The following TMEFF2 variants were observed in gnomAD, a reference collection of about 807,000 sequenced individuals.
TMEFF2 encodes the protein tomoregulin-2.
In TMEFF2, 28 loss-of-function variants were observed where a neutral mutation model predicts 53.8. That is an observed-to-expected ratio of 0.52 (90% CI 0.39 to 0.71). TMEFF2 has a LOEUF of 0.71. TMEFF2 is among the 30% of genes least tolerant of loss of function. TMEFF2 has a pLI of 0.00. For missense variants in TMEFF2, 353 were observed against 455.2 expected (o/e 0.78, Z 2.04); for synonymous variants, 162 against 166.3 (o/e 0.97, Z 0.20).
At chr2:191,996,804 G>T (rs1477835047) in intron 7 of TMEFF2, among the ~76,000 whole-genome samples, 3 of 151,666 alleles carry the variant, frequency 2.0e-5, no homozygotes, top group Non-Finnish European at 4.4e-5. Context: ...AAATTTTCAG[G>T]ATTTGCTTCC....
intron 7 of TMEFF2, among the ~76,000 whole-genome samples, chr2:191,992,914 A>T (rs1686141997): frequency 6.6e-6 from 1 of 152,088 alleles, no homozygotes; most frequent in South Asian, 2.1e-4. Context: ...TAGGGTGCAG[A>T]GTCAGTCCCA....
At chr2:192,032,825 C>A (rs539642516) in intron 5 of TMEFF2, among the ~76,000 whole-genome samples, 1 of 152,106 alleles carries the variant, frequency 6.6e-6, no homozygotes, top group Non-Finnish European at 1.5e-5. Flanking sequence ...CTCACAGGGT[C>A]CTTTTGAGTA....
At chr2:192,111,493 A>C (rs934733251) in intron 4 of TMEFF2, among the ~76,000 whole-genome samples, 3 of 152,194 alleles carry the variant, frequency 2.0e-5, no homozygotes, top group Non-Finnish European at 4.4e-5. Flanking sequence ...CTAAGCAGCA[A>C]AACATTTAAG....
In TMEFF2 at chr2:191,949,201, T is replaced by G; in HGVS notation, c.*1110A>C. On this transcript the variant is annotated 3_prime_UTR_variant, in exon 10 of 10. Transcript: ENST00000272771. ...GATCAAGTTGTGATACCTATTTGTA[T>G]GCACAAATCAAACAAAAATCCATAC... 1.0e-6 allele frequency: 1 copy of G among 985,430 alleles called. No individual in the cohort carries two copies. 61.0% of individuals were successfully genotyped at this position (985,430 alleles called of 1,614,324 possible).
At chr2:192,011,604 A>G (rs1686627561) in intron 5 of TMEFF2, among the ~76,000 whole-genome samples, 1 of 152,328 alleles carries the variant, frequency 6.6e-6, no homozygotes, top group Non-Finnish European at 1.5e-5. Context: ...GGAATATAAT[A>G]TGTTTTTTTA....
chr2:191,950,116 AC>A lies in TMEFF2; in HGVS notation c.*194del. 7.5e-7 allele frequency: 1 copy of A among 1,326,776 alleles called. No individual in the cohort carries two copies. Among genetic ancestry groups the A allele is most frequent in the Non-Finnish European group, 9.6e-7 (1 of 1,037,716 alleles). The allele number at this position is 1,326,776 out of a possible 1,614,324, so 82.2% of individuals were successfully genotyped here. A position where few individuals can be genotyped will look rare whatever the true frequency, so the allele number is the denominator to read the frequency against. ...ATAGTTTATTTACATTACAGAAAAA[AC>A]ATCAAGACAATGTATACTATTTCAA... On this transcript the variant is annotated 3_prime_UTR_variant, in exon 10 of 10. Coordinates refer to ENST00000272771, the MANE Select transcript of TMEFF2 (RefSeq NM_016192.4).
At chr2:192,104,648 A>C (rs1689105028) in intron 4 of TMEFF2, among the ~76,000 whole-genome samples, 1 of 152,048 alleles carries the variant, frequency 6.6e-6, no homozygotes, top group African/African-American at 2.4e-5. Flanking sequence ...AGATAACATA[A>C]ATTATTCAAC....
intron 4 of TMEFF2, among the ~76,000 whole-genome samples, chr2:192,079,959 T>C (rs563103934): frequency 3.3e-5 from 5 of 152,306 alleles, no homozygotes; most frequent in African/African-American, 1.2e-4. Flanking sequence ...ACTGGTCTTT[T>C]CTATAACCAA....
At chr2:192,161,492 A>T (rs1432008627) in intron 4 of TMEFF2, among the ~76,000 whole-genome samples, 2 of 152,190 alleles carry the variant, frequency 1.3e-5, no homozygotes, top group Non-Finnish European at 2.9e-5. Flanking sequence ...GTATGACATA[A>T]GTGAATCCAT....
At chr2:192,013,224 T>G (rs1410801710) in intron 5 of TMEFF2, among the ~76,000 whole-genome samples, 1 of 152,196 alleles carries the variant, frequency 6.6e-6, no homozygotes, top group Non-Finnish European at 1.5e-5. Context: ...ATTTTATTTC[T>G]GATCAATCTT....
intron 7 of TMEFF2, among the ~76,000 whole-genome samples, chr2:191,968,711 C>T (rs921678527): frequency 6.6e-6 from 1 of 152,166 alleles, no homozygotes; most frequent in South Asian, 2.1e-4. Flanking sequence ...GGCTAACTTA[C>T]ACTGTGAGAT....
chr2:192,173,228 C>T (rs1051239669), intron 4 of TMEFF2, among the ~76,000 whole-genome samples: 1 of 151,762 alleles, frequency 6.6e-6, no homozygotes, highest in Non-Finnish European at 1.5e-5. Flanking sequence ...ACATTGCATG[C>T]TTATATCTAA....
intron 4 of TMEFF2, among the ~76,000 whole-genome samples, chr2:192,172,256 C>T (rs1041366887): frequency 1.3e-5 from 2 of 151,664 alleles, no homozygotes; most frequent in African/African-American, 2.4e-5. Flanking sequence ...CCCAATCTTA[C>T]TTTCTTCCCT....
intron 7 of TMEFF2, among the ~76,000 whole-genome samples, chr2:191,987,799 A>C (rs1686015028): frequency 6.6e-6 from 1 of 152,228 alleles, no homozygotes; most frequent in South Asian, 2.1e-4. Context: ...TGAAATTAAA[A>C]ATATGATTAT....
chr2:192,048,029 A>G (rs930543372), intron 5 of TMEFF2, among the ~76,000 whole-genome samples: 5 of 152,232 alleles, frequency 3.3e-5, no homozygotes, highest in Non-Finnish European at 5.9e-5. Context: ...GACAGTGGAA[A>G]TGTTTTCAGT....
intron 4 of TMEFF2, among the ~76,000 whole-genome samples, chr2:192,067,756 TTAAC>T (rs1688200869): frequency 6.6e-6 from 1 of 151,874 alleles, no homozygotes; most frequent in African/African-American, 2.4e-5. Flanking sequence ...TGAGTTAACT[TTAAC>T]CTACTAAAAA....
intron 5 of TMEFF2, among the ~76,000 whole-genome samples, chr2:192,051,181 CA>C (rs531047462): frequency 6.8e-6 from 1 of 147,620 alleles, no homozygotes; most frequent in Non-Finnish European, 1.5e-5. Context: ...TGCACACATT[CA>C]AAAAAAACCT....
chr2:192,072,256 C>T (rs1688309112), intron 4 of TMEFF2, among the ~76,000 whole-genome samples: 2 of 151,884 alleles, frequency 1.3e-5, no homozygotes, highest in South Asian at 4.1e-4. Context: ...CAAGAATATA[C>T]CTAAGTTCTT....
At chr2:192,039,376 C>T (rs1687417627) in intron 5 of TMEFF2, among the ~76,000 whole-genome samples, 1 of 152,060 alleles carries the variant, frequency 6.6e-6, no homozygotes, top group Admixed American at 6.6e-5. Context: ...TTGCTAGGCC[C>T]AAAATTGGAT....
Sources: allele counts gnomAD v4.1 joint callset (sites outside exome capture counted in the v4.1 genomes callset), GRCh38; gene constraint gnomAD v4.1.1; transcripts MANE v1.5; gene names NCBI Gene and HGNC (gene_info 2026-07-23, HGNC 2026-07-21).